KIF26B: variants seen among roughly 807,000 people sequenced by gnomAD.
KIF26B encodes the protein kinesin-like protein KIF26B.
Under a neutral mutation model 151.2 loss-of-function variants are expected in KIF26B, and 63 were observed. That is an observed-to-expected ratio of 0.42 (90% CI 0.34 to 0.51). KIF26B has a LOEUF of 0.51. Among genes scored for constraint, KIF26B ranks in the 20% least tolerant of loss-of-function variants. The pLI is 0.07. For missense variants in KIF26B, 2,813 were observed against 2,913.6 expected, an observed-to-expected ratio of 0.97 and a Z score of 0.79; for synonymous variants, 1,357 against 1,262.1, an observed-to-expected ratio of 1.08 and a Z score of -1.59.
chr1:245,416,477 C>G (rs1379623197), intron 3 of KIF26B, among the ~76,000 whole-genome samples: 1 of 152,144 alleles, frequency 6.6e-6, no homozygotes, highest in Non-Finnish European at 1.5e-5. Context: ...CCTTGGTATA[C>G]AGTGGTGAGC....
chr1:245,185,142 C>A (rs1169581102), intron 2 of KIF26B, among the ~76,000 whole-genome samples: 1 of 142,366 alleles, frequency 7.0e-6, no homozygotes, highest in Non-Finnish European at 1.6e-5. Context: ...GGTGGAAATA[C>A]TTTTTTTTTT....
chr1:245,517,972 A>G (rs1025783257), intron 4 of KIF26B, among the ~76,000 whole-genome samples: 1 of 150,852 alleles, frequency 6.6e-6, no homozygotes, highest in Non-Finnish European at 1.5e-5. Context: ...TCCTGGGTTC[A>G]AGCAATCCTC....
At chr1:245,378,301 C>G (rs1177769) in intron 3 of KIF26B, among the ~76,000 whole-genome samples, 95,799 of 150,728 alleles carry the variant, frequency 0.64, 30,594 homozygotes, top group Middle Eastern at 0.71. Flanking sequence ...CTTACCATCC[C>G]TCCCCCTTTT....
intron 5 of KIF26B, among the ~76,000 whole-genome samples, chr1:245,558,075 C>T (rs1662079357): frequency 6.6e-6 from 1 of 152,176 alleles, no homozygotes; most frequent in African/African-American, 2.4e-5. Context: ...CAACTACAGC[C>T]TCGTAGATTT....
chr1:245,534,791 T>C (rs1037380340), intron 4 of KIF26B, among the ~76,000 whole-genome samples: 1 of 151,760 alleles, frequency 6.6e-6, no homozygotes, highest in Non-Finnish European at 1.5e-5. Context: ...CTTTTCTTTT[T>C]TTTTTTTTTG....
intron 2 of KIF26B, among the ~76,000 whole-genome samples, chr1:245,275,880 T>C: frequency 6.6e-6 from 1 of 152,174 alleles, no homozygotes; most frequent in Non-Finnish European, 1.5e-5. Flanking sequence ...TTTGGGAAAG[T>C]CTTTATTCTT....
chr1:245,429,683 G>A (rs1658732936), intron 4 of KIF26B, among the ~76,000 whole-genome samples: 1 of 152,044 alleles, frequency 6.6e-6, no homozygotes, highest in East Asian at 1.9e-4. Context: ...GCACAATCTC[G>A]GCTCACTGCA....
At chr1:245,521,279 G>A (rs1172387783) in intron 4 of KIF26B, among the ~76,000 whole-genome samples, 1 of 151,740 alleles carries the variant, frequency 6.6e-6, no homozygotes, top group African/African-American at 2.4e-5. Context: ...GGAGCTTGCA[G>A]TGAGCCGAGA....
chr1:245,289,192 T>A (rs527817370), intron 2 of KIF26B, among the ~76,000 whole-genome samples: 1 of 152,322 alleles, frequency 6.6e-6, no homozygotes, highest in East Asian at 1.9e-4. Flanking sequence ...CAGACAACAC[T>A]CTTTATAAAG....
At chr1:245,348,348 A>T (rs1167988222) in intron 2 of KIF26B, among the ~76,000 whole-genome samples, 1 of 152,094 alleles carries the variant, frequency 6.6e-6, no homozygotes, top group Non-Finnish European at 1.5e-5. Context: ...TTGACCCTGA[A>T]CTTGAGACTG....
chr1:245,587,280 C>T (rs1419668762), intron 5 of KIF26B, among the ~76,000 whole-genome samples: 2 of 152,200 alleles, frequency 1.3e-5, no homozygotes, highest in African/African-American at 4.8e-5. Flanking sequence ...GTACACAACT[C>T]TTTTGTACTA....
chr1:245,452,427 C>T (rs1392268509), intron 4 of KIF26B, among the ~76,000 whole-genome samples: 1 of 152,032 alleles, frequency 6.6e-6, no homozygotes, highest in East Asian at 1.9e-4. Flanking sequence ...CTCTTTGAGT[C>T]TCTGTGTTCA....
At chr1:245,653,800 C>T (rs1283908104) in intron 10 of KIF26B, among the ~76,000 whole-genome samples, 1 of 152,154 alleles carries the variant, frequency 6.6e-6, no homozygotes, top group Non-Finnish European at 1.5e-5. Flanking sequence ...TGGTTCACAC[C>T]TATAATCTCA....
chr1:245,539,258 G>C (rs966297829), intron 4 of KIF26B, among the ~76,000 whole-genome samples: 2 of 152,120 alleles, frequency 1.3e-5, no homozygotes, highest in Non-Finnish European at 2.9e-5. Flanking sequence ...TTTTAGCTCA[G>C]AATTTATCAA....
intron 2 of KIF26B, among the ~76,000 whole-genome samples, chr1:245,344,494 C>CAAAAAAAAA (rs57007301): frequency 5.5e-4 from 22 of 40,022 alleles, no homozygotes; most frequent in Non-Finnish European, 9.0e-4. Flanking sequence ...GACTCCGTCT[C>CAAAAAAAAA]AAAAAAAAAA....
chr1:245,608,115 G>A (rs1394435848), intron 7 of KIF26B, among the ~76,000 whole-genome samples: 2 of 152,170 alleles, frequency 1.3e-5, no homozygotes, highest in African/African-American at 2.4e-5. Flanking sequence ...TGGGTTGGTG[G>A]TTGGACCCCT....
At chr1:245,701,327 C>CTATTA (rs557651012) in intron 14 of KIF26B, among the ~76,000 whole-genome samples, 90 of 152,286 alleles carry the variant, frequency 5.9e-4, no homozygotes, top group African/African-American at 2.1e-3. Context: ...ATTTTTAGTT[C>CTATTA]TATTATTTCT....
chr1:245,653,251 G>A (rs931032769), intron 10 of KIF26B, among the ~76,000 whole-genome samples: 4 of 152,152 alleles, frequency 2.6e-5, no homozygotes, highest in Non-Finnish European at 4.4e-5. Flanking sequence ...GAATAGAAGG[G>A]CAGAACCGAG....
chr1:245,164,627 C>T (rs1668585664), intron 2 of KIF26B, among the ~76,000 whole-genome samples: 1 of 152,168 alleles, frequency 6.6e-6, no homozygotes, highest in South Asian at 2.1e-4. Context: ...GGTCACCATA[C>T]ACAGTATTTG....
Sources: allele counts gnomAD v4.1 joint callset (sites outside exome capture counted in the v4.1 genomes callset), GRCh38; gene constraint gnomAD v4.1.1; transcripts MANE v1.5; gene names NCBI Gene and HGNC (gene_info 2026-07-23, HGNC 2026-07-21).